The following TP73 variants were observed in gnomAD, a reference collection of about 807,000 sequenced individuals.
TP73 encodes tumor protein p73, also known as p53-like transcription factor.
Under a neutral mutation model 62.5 loss-of-function variants are expected in TP73, and 25 were observed. That is an observed-to-expected ratio of 0.40 (90% confidence interval 0.29 to 0.56). TP73 has a LOEUF of 0.56. Among genes scored for constraint, TP73 ranks in the 20% least tolerant of loss-of-function variants. The probability of loss-of-function intolerance (pLI) is 0.46; values close to 1 mark genes in which losing one functional copy is unlikely to be tolerated. For synonymous variants in TP73, 423 were observed against 377.5 expected, an observed-to-expected ratio of 1.12 and a Z score of -1.40; for missense variants, 754 against 913.3, an observed-to-expected ratio of 0.83 and a Z score of 2.25.
chr1:3,703,522 C>T (rs1639384682), intron 3 of TP73, among the ~76,000 whole-genome samples: 1 of 152,244 alleles, frequency 6.6e-6, no homozygotes. Context: ...AAGGGCCTGG[C>T]TCACTCCCGC....
At chr1:3,665,684 T>A (rs1328492945) in intron 1 of TP73, among the ~76,000 whole-genome samples, 2 of 144,550 alleles carry the variant, frequency 1.4e-5, no homozygotes, top group African/African-American at 5.1e-5. Context: ...AGACAATTTC[T>A]CTCTCTGTCA....
At chr1:3,685,195 T>C (rs956150837) in intron 3 of TP73, among the ~76,000 whole-genome samples, 10 of 152,180 alleles carry the variant, frequency 6.6e-5, no homozygotes, top group Admixed American at 5.2e-4. Context: ...GAGGAGGACC[T>C]GGACTCAGGG....
In TP73 at chr1:3,666,893, C is replaced by T. The variant is rs759959359; in HGVS notation, c.-34+14252C>T. ...TGGTTGGCAAAAAAAAGTGGCTCCCCAAAGGTCTTCACGTCCCAATCCCCA... is the reference window on the plus strand; with the variant it reads ...TGGTTGGCAAAAAAAAGTGGCTCCCTAAAGGTCTTCACGTCCCAATCCCCA... On this transcript the variant is annotated intron_variant, in intron 1 of 13. Transcript: ENST00000378295. The surrounding 1 kb of genome is among the most constrained non-coding windows in gnomAD (Gnocchi z 6.4). 3.3e-5 allele frequency among the ~76,000 whole-genome samples: 5 copies of T among 152,144 alleles called. No individual in the cohort carries two copies. The highest frequency in any genetic ancestry group is 6.6e-5 in the Admixed American group (1 of 15,266).
intron 3 of TP73, among the ~76,000 whole-genome samples, chr1:3,702,881 G>T (rs1557536827): frequency 6.6e-6 from 1 of 152,248 alleles, no homozygotes; most frequent in East Asian, 1.9e-4. Flanking sequence ...GCTTCCGGGG[G>T]CCCTCTGGTT....
chr1:3,663,699 A>C lies in TP73; in HGVS notation c.-34+11058A>C, dbSNP rs6669612. Among the ~76,000 whole-genome samples the C allele has an allele frequency of 0.078, 11,176 of 143,416 alleles. 501 individuals are homozygous for C. The highest frequency in any genetic ancestry group is 0.16 in the Middle Eastern group (47 of 286). 94.1% of individuals were successfully genotyped at this position (143,416 alleles called of 152,430 possible). A position where few individuals can be genotyped will look rare whatever the true frequency, so the allele number is the denominator to read the frequency against. On this transcript the variant is annotated intron_variant, in intron 1 of 13. Transcript: ENST00000378295. The surrounding 1 kb of genome is among the most constrained non-coding windows in gnomAD (Gnocchi z 4.7). ...CAACAATGCGAGACTCCATCTCAAA[A>C]AAAAAAAAAAAGAAAGAAAGAAAGG... is the stretch of plus-strand genomic sequence containing the variant.
chr1:3,687,824 G>A (rs774309651), intron 3 of TP73, among the ~76,000 whole-genome samples: 13 of 152,164 alleles, frequency 8.5e-5, no homozygotes, highest in Admixed American at 4.6e-4. Flanking sequence ...CACAGAGCGG[G>A]GTCTACAGCT....
At chr1:3,697,343 G>A (rs779295014) in intron 3 of TP73, among the ~76,000 whole-genome samples, 8 of 152,216 alleles carry the variant, frequency 5.3e-5, no homozygotes, top group East Asian at 3.9e-4. Context: ...CCTGGGCTCC[G>A]TCTCTCCCTG....
intron 3 of TP73, among the ~76,000 whole-genome samples, chr1:3,703,046 G>A (rs1639329128): frequency 6.6e-6 from 1 of 152,214 alleles, no homozygotes; most frequent in South Asian, 2.1e-4. Flanking sequence ...GCCAGGTGGA[G>A]GGGCTTGTGG....
intron 2 of TP73, 73 bp from the exon 3 acceptor site, chr1:3,682,987 T>A: frequency 6.5e-7 from 1 of 1,537,606 alleles, no homozygotes; most frequent in Non-Finnish European, 8.8e-7. Context: ...AGCCTTGAGC[T>A]CTGGGCCTGG....
At chr1:3,679,990 CCTGT>C (rs941976182) in intron 1 of TP73, among the ~76,000 whole-genome samples, 2 of 150,518 alleles carry the variant, frequency 1.3e-5, no homozygotes, top group African/African-American at 2.4e-5. Flanking sequence ...TGTCTCTCTT[CCTGT>C]CTTTCTCTTT....
At chr1:3,661,644 A>G (rs1644989097) in intron 1 of TP73, among the ~76,000 whole-genome samples, 1 of 151,168 alleles carries the variant, frequency 6.6e-6, no homozygotes. Context: ...AGGGAGATTC[A>G]TGCCACAGTG....
intron 3 of TP73, among the ~76,000 whole-genome samples, chr1:3,697,286 A>G (rs773539416): frequency 1.4e-4 from 22 of 152,140 alleles, no homozygotes; most frequent in Non-Finnish European, 2.6e-4. Context: ...AGCGCTTTGC[A>G]GCCCCGGGCG....
At chr1:3,686,793 C>G (rs1046167539) in intron 3 of TP73, among the ~76,000 whole-genome samples, 2 of 152,166 alleles carry the variant, frequency 1.3e-5, no homozygotes, top group African/African-American at 4.8e-5. Flanking sequence ...GAGCTCAGGA[C>G]CTACCCCTTC....
rs555576629 is a variant in TP73, at chr1:3,728,205, G to A, written c.1062G>A (p.Thr354=). Residue 354 remains threonine (T), a synonymous_variant, in exon 9 of 14, where the codon ACG becomes ACA. Coordinates refer to ENST00000378295, the MANE Select transcript of TP73 (RefSeq NM_005427.4). The part of the protein sequence containing the change: ...VKKRRHGDED[T]YYLQVRGREN... Reference sequence around the variant, plus strand: ...AGCGGCGGCATGGAGACGAGGACACGTACTACCTTCAGGTGAGTGTGTGCT... The same window carrying A: ...AGCGGCGGCATGGAGACGAGGACACATACTACCTTCAGGTGAGTGTGTGCT... The A allele has an allele frequency of 2.2e-5, 36 of 1,611,732 alleles. No individual in the cohort carries two copies. The highest frequency in any genetic ancestry group is 1.8e-4 in the South Asian group (16 of 91,088).
intron 1 of TP73, 55 bp from the exon 2 acceptor site, chr1:3,682,278 G>C: frequency 7.6e-7 from 1 of 1,323,160 alleles, no homozygotes; most frequent in East Asian, 2.9e-5. Context: ...GCTGTCACAG[G>C]AGGACAGAGC....
chr1:3,672,407 C>G lies in TP73; in HGVS notation c.-33-9926C>G, dbSNP rs560950519. Among the ~76,000 whole-genome samples, 1 of 152,018 alleles carries G rather than the reference C, an allele frequency of 6.6e-6. No individual in the cohort carries two copies. The highest frequency in any genetic ancestry group is 1.5e-5 in the Non-Finnish European group (1 of 67,986). The stretch of plus-strand genomic sequence containing the variant: ...TAGAAAGGGGGTGTGAGAGGAGGAT[C>G]GGAGGGGGCAGAGGACAGGGATGTG... On this transcript the variant is annotated intron_variant, in intron 1 of 13. Transcript: ENST00000378295. This position sits in a 1 kb window ranked among gnomAD's most constrained non-coding sequence, Gnocchi z 5.3.
At chr1:3,690,949 G>T (rs773741663) in intron 3 of TP73, 59 of 1,578,100 alleles carry the variant, frequency 3.7e-5, no homozygotes, top group Non-Finnish European at 4.5e-5. Flanking sequence ...GCCACGGTAG[G>T]TGTGACGCGC....
rs1298161693 is a variant in TP73 at position 3,729,004 on chromosome 1, G to GAGAGAC, written c.1075-320_1075-319insGACAGA. ...CGCTGTCGAAAGAAAGAGAGAGAGA[G>GAGAGAC]AGACAGAGAGACAGAGAGAGACAGA... On this transcript the variant is annotated intron_variant, in intron 9 of 13. Transcript: ENST00000378295. 7.9e-5 allele frequency among the ~76,000 whole-genome samples: 12 copies of GAGAGAC among 152,002 alleles called. No individual in the cohort carries two copies. The South Asian group carries it at 2.5e-3, about 32-fold the overall frequency.
At chr1:3,676,618 G>A (rs1645377121) in intron 1 of TP73, among the ~76,000 whole-genome samples, 1 of 151,988 alleles carries the variant, frequency 6.6e-6, no homozygotes, top group Non-Finnish European at 1.5e-5. Context: ...CTCCCCACAG[G>A]GCAGAGGGGA....
Sources: gnomAD v4.1 joint callset for allele counts (sites outside exome capture counted in the v4.1 genomes callset) on GRCh38, gnomAD v4.1.1 for gene constraint, Gnocchi (gnomAD v3.1) non-coding constraint, MANE v1.5 for transcripts, NCBI Gene and HGNC (gene_info 2026-07-23, HGNC 2026-07-21) for gene names.